Variants in ZNF770 observed in about 807,000 individuals in gnomAD.
ZNF770 encodes the protein zinc finger protein 770.
A neutral mutation model predicts 44.8 loss-of-function variants in ZNF770; 13 were observed. The ratio of observed to expected loss-of-function variants is 0.29; its 90% CI spans 0.19 to 0.46. ZNF770 has a LOEUF of 0.46. ZNF770 is among the 20% of genes least tolerant of loss of function. The probability of loss-of-function intolerance (pLI) is 1.00; values close to 1 mark genes in which losing one functional copy is unlikely to be tolerated. For synonymous variants in ZNF770, 304 were observed against 271.8 expected, an observed-to-expected ratio of 1.12 and a Z score of -1.17; for missense variants, 681 against 797.9, an observed-to-expected ratio of 0.85 and a Z score of 1.77.
Position 34,979,662 on chromosome 15 carries a change from C to T in ZNF770, c.*1697G>A. 1 of 448,902 alleles carries T rather than the reference C, an allele frequency of 2.2e-6. No individual in the cohort carries two copies. Among genetic ancestry groups the T allele is most frequent in the Non-Finnish European group, 4.5e-6 (1 of 224,082 alleles). The allele number at this position is 448,902 out of a possible 1,614,324, so 27.8% of individuals were successfully genotyped here. On this transcript the variant is annotated 3_prime_UTR_variant, in exon 3 of 3. Transcript: ENST00000356321. ...AGATCACCCCCACCTACTATCCCTC[C>T]CGCCTCCCCCCTGTCAAAAGAAAGT...
rs1376367965 is a variant in ZNF770, at chr15:34,981,714, G to A, written c.1721C>T (p.Ser574Leu). ...PGVQKYEVSE[S>L]DQMSGVKAES... is the part of the protein sequence containing the mutation. Reference sequence around the variant, plus strand: ...TGCCTTAACTCCTGACATTTGATCTGACTCTGAGACCTCGTATTTTTGAAC... The same window carrying A: ...TGCCTTAACTCCTGACATTTGATCTAACTCTGAGACCTCGTATTTTTGAAC... Residue 574 changes from serine (S) to leucine (L), a missense_variant, in exon 3 of 3, where the codon TCA becomes TTA. Physicochemically the swap from Ser to Leu is moderately radical, Grantham distance 145. This residue lies in a region of ZNF770 where 148 missense variants were observed against 191.0 expected (regional missense o/e 0.77). Coordinates refer to ENST00000356321, the MANE Select transcript of ZNF770 (RefSeq NM_014106.4). 3 of 1,613,876 alleles carry A rather than the reference G, an allele frequency of 1.9e-6. No individual in the cohort carries two copies. Among genetic ancestry groups the A allele is most frequent in the Non-Finnish European group, 2.5e-6 (3 of 1,180,026 alleles).
rs1381358635 is a variant in ZNF770 at position 34,981,425 on chromosome 15, T to C, written c.2010A>G (p.Arg670=). ...KTFRQAPHWK[R]HQLTHFKERP... ...GTTCTTTAAAGTGAGTAAGCTGATG[T>C]CTCTTCCAGTGAGGAGCCTGTCTGA... Residue 670 remains arginine (R), a synonymous_variant, in exon 3 of 3, where the codon AGA becomes AGG. Coordinates refer to ENST00000356321, the MANE Select transcript of ZNF770 (RefSeq NM_014106.4). 1 of 1,614,068 alleles carries C rather than the reference T, an allele frequency of 6.2e-7. No individual in the cohort carries two copies. The highest frequency in any genetic ancestry group is 8.5e-7 in the Non-Finnish European group (1 of 1,180,030).
chr15:34,981,469 A>G lies in ZNF770; in HGVS notation c.1966T>C (p.Ser656Pro). 7 of 1,614,200 alleles carry G rather than the reference A, an allele frequency of 4.3e-6. No homozygotes were observed. Among genetic ancestry groups the G allele is most frequent in the Non-Finnish European group, 5.9e-6 (7 of 1,180,028 alleles). ...IHAGQKPFEC[S>P]VCGKTFRQAP... ...TGTCTGAATGTTTTGCCACAAACTGAGCATTCAAATGGTTTCTGCCCTGCA... is the reference window on the plus strand; with the variant it reads ...TGTCTGAATGTTTTGCCACAAACTGGGCATTCAAATGGTTTCTGCCCTGCA... Residue 656 changes from serine (S) to proline (P), a missense_variant, in exon 3 of 3, where the codon TCA (serine) becomes CCA (proline). Ser to Pro is a moderately conservative substitution (Grantham distance 74, BLOSUM62 -1). This residue lies in a region of ZNF770 where 10 missense variants were observed against 33.9 expected (regional missense o/e 0.30). Transcript: ENST00000356321.
At chr15:34,985,265 A>G (rs2050426494) in intron 2 of ZNF770, among the ~76,000 whole-genome samples, 1 of 151,948 alleles carries the variant, frequency 6.6e-6, no homozygotes, top group African/African-American at 2.4e-5. Context: ...GGAGTCAGAG[A>G]TTTTTTCAAA....
In ZNF770 at chr15:34,978,601, A is replaced by G. The variant is rs1349781954; in HGVS notation, c.*2758T>C. The G allele has an allele frequency of 1.3e-5, 2 of 152,194 alleles. No individual in the cohort carries two copies. Among genetic ancestry groups the G allele is most frequent in the Non-Finnish European group, 2.9e-5 (2 of 68,038 alleles). The allele number at this position is 152,194 out of a possible 1,614,324, so 9.4% of individuals were successfully genotyped here. A position where few individuals can be genotyped will look rare whatever the true frequency, so the allele number is the denominator to read the frequency against. On this transcript the variant is annotated 3_prime_UTR_variant, in exon 3 of 3. Coordinates refer to ENST00000356321, the MANE Select transcript of ZNF770 (RefSeq NM_014106.4). Reference sequence around the variant, plus strand: ...TATTTATCGTTTATTTTTTCATGAAACCAAAGTAATTGATTCAACAATACT... The same window carrying G: ...TATTTATCGTTTATTTTTTCATGAAGCCAAAGTAATTGATTCAACAATACT...
rs1169409910 is a variant in ZNF770, at chr15:34,979,853, AG to A, written c.*1505del. 2 of 309,530 alleles carry A rather than the reference AG, an allele frequency of 6.5e-6. No individual in the cohort carries two copies. Among genetic ancestry groups the A allele is most frequent in the South Asian group, 2.5e-5 (1 of 39,848 alleles). The allele number at this position is 309,530 out of a possible 1,614,324, so 19.2% of individuals were successfully genotyped here. On this transcript the variant is annotated 3_prime_UTR_variant, in exon 3 of 3. Coordinates refer to ENST00000356321, the MANE Select transcript of ZNF770 (RefSeq NM_014106.4). ...TATTGCTAGAGAATGTCATTCCTGA[AG>A]ATTTTATAAACAAAGGCAAATATGA...
At chr15:34,987,404 T>C (rs1490662035) in intron 2 of ZNF770, among the ~76,000 whole-genome samples, 153 bp downstream of exon 2, 1 of 150,492 alleles carries the variant, frequency 6.6e-6, no homozygotes, top group Non-Finnish European at 1.5e-5. Context: ...CAACCGATTT[T>C]TGTTGATAAC....
chr15:34,985,595 TA>T (rs2050428800), intron 2 of ZNF770, among the ~76,000 whole-genome samples: 1 of 152,194 alleles, frequency 6.6e-6, no homozygotes, highest in Non-Finnish European at 1.5e-5. Context: ...AGCACTTTGT[TA>T]TTTAAAATAA....
rs763424159 is a variant in ZNF770 at position 34,981,976 on chromosome 15, T to G, written c.1459A>C (p.Ile487Leu). ...AAATAGTGTCTTTTTAGTTTGGATA[T>G]AGAAGGAAATACCTTCTCACATTTG... ...CDKCEKVFPS[I>L]SKLKRHYLIH... The change falls in exon 3 of 3, where the codon ATA (isoleucine) becomes CTA (leucine). Residue 487 changes from isoleucine (I) to leucine (L), a missense_variant. Transcript: ENST00000356321. 3 of 1,613,958 alleles carry G rather than the reference T, an allele frequency of 1.9e-6. No individual in the cohort carries two copies. Among genetic ancestry groups the G allele is most frequent in the Admixed American group, 3.3e-5 (2 of 60,002 alleles).
chr15:34,981,777 A>C lies in ZNF770; in HGVS notation c.1658T>G (p.Val553Gly). 1.9e-6 allele frequency: 3 copies of C among 1,614,160 alleles called. No individual in the cohort carries two copies. The highest frequency in any genetic ancestry group is 2.5e-6 in the Non-Finnish European group (3 of 1,180,036). ...NNLSNHSGNN[V>G]NYNASQQCQA... ...ACATTGTTGGGAAGCATTATAGTTA[A>C]CATTATTACCTGAATGATTAGAAAG... The change falls in exon 3 of 3, where the codon GTT (valine) becomes GGT (glycine). Residue 553 changes from valine to glycine, a missense_variant. By Grantham distance (109) the Val-to-Gly change is moderately radical (BLOSUM62 -3). This residue lies in a region of ZNF770 where 148 missense variants were observed against 191.0 expected (regional missense o/e 0.77). Transcript: ENST00000356321.
chr15:34,981,827 T>C lies in ZNF770; in HGVS notation c.1608A>G (p.Gln536=). The C allele has an allele frequency of 1.2e-6, 2 of 1,614,102 alleles. No individual in the cohort carries two copies. The highest frequency in any genetic ancestry group is 1.7e-6 in the Non-Finnish European group (2 of 1,180,034). ...NEKSPYASLC[Q]VEFGNFNNLS... is the part of the protein sequence containing the mutation. ...GATTGTTGAAGTTTCCAAATTCTAC[T>C]TGGCAAAGAGATGCATAAGGACTCT... Residue 536 remains glutamine, a synonymous_variant, in exon 3 of 3, where the codon CAA becomes CAG. Coordinates refer to ENST00000356321, the MANE Select transcript of ZNF770 (RefSeq NM_014106.4).
Position 34,982,373 on chromosome 15 carries a change from A to T in ZNF770, c.1062T>A (p.Phe354Leu), listed in dbSNP as rs371590447. Residue 354 changes from phenylalanine (F) to leucine (L), a missense_variant, in exon 3 of 3, where the codon TTT (phenylalanine) becomes TTA (leucine). By Grantham distance (22) the Phe-to-Leu change is conservative (BLOSUM62 0). Around this residue, in one of 5 missense-constraint regions of ZNF770, gnomAD observed 432 missense variants for 434.1 expected, o/e 1.00. Transcript: ENST00000356321. ...KRARSKKLDNFQSEKKVFKKS... is the reference protein window; with the variant it reads ...KRARSKKLDNLQSEKKVFKKS... ...TTTTAAATACTTTTTTCTCAGATTG[A>T]AAGTTATCTAATTTTTTACTCCTAG... 2.5e-6 allele frequency: 4 copies of T among 1,608,530 alleles called. No homozygotes were observed. In the African/African-American group the frequency reaches 5.4e-5, roughly 22 times the overall value.
At position 34,979,834 on chromosome 15, in the gene ZNF770, T is replaced by C. The variant is rs1207629262; in HGVS notation, c.*1525A>G. On this transcript the variant is annotated 3_prime_UTR_variant, in exon 3 of 3. Transcript: ENST00000356321. ...CATAACGGTTCATTCCTTTTATTGC[T>C]AGAGAATGTCATTCCTGAAGATTTT... 6.5e-6 allele frequency: 2 copies of C among 308,344 alleles called. No individual in the cohort carries two copies. The highest frequency in any genetic ancestry group is 1.3e-5 in the Non-Finnish European group (2 of 154,918). The allele number at this position is 308,344 out of a possible 1,614,324, so 19.1% of individuals were successfully genotyped here.
chr15:34,986,812 G>GGAGAAAAGT (rs2050437848), intron 2 of ZNF770, among the ~76,000 whole-genome samples: 3 of 152,092 alleles, frequency 2.0e-5, no homozygotes, highest in Admixed American at 2.0e-4. Flanking sequence ...TCTTAGCCAC[G>GGAGAAAAGT]GTCCTTCCTA....
rs2050392265 is a variant in ZNF770 at position 34,980,264 on chromosome 15, G to T, written c.*1095C>A. On this transcript the variant is annotated 3_prime_UTR_variant, in exon 3 of 3. Coordinates refer to ENST00000356321, the MANE Select transcript of ZNF770 (RefSeq NM_014106.4). Reference sequence around the variant, plus strand: ...TGCTATCATTAATGAGCAAATAAATGACTTGAAATTATTCCTCTGAAAAGG... The same window carrying T: ...TGCTATCATTAATGAGCAAATAAATTACTTGAAATTATTCCTCTGAAAAGG... The T allele has an allele frequency of 6.6e-6, 1 of 152,126 alleles. No homozygotes were observed. The highest frequency in any genetic ancestry group is 6.6e-5 in the Admixed American group (1 of 15,260). 9.4% of individuals were successfully genotyped at this position (152,126 alleles called of 1,614,324 possible).
At chr15:34,987,416 T>C (rs527309801) in intron 2 of ZNF770, 141 bp downstream of exon 2, 2 of 145,420 alleles carry the variant, frequency 1.4e-5, no homozygotes, top group African/African-American at 5.7e-5. Flanking sequence ...GTTGATAACA[T>C]AAAAATAAAA....
rs1246684837 is a variant in ZNF770, at chr15:34,987,549, A to G, written c.-57+8T>C. ...TACGTGAAGACTGTAAAAACTGTAA[A>G]AACTGACCTCAATAATATCCAATGT... On this transcript the variant is annotated splice_region_variant and intron_variant, in intron 2 of 2. Transcript: ENST00000356321. 6.6e-6 allele frequency: 1 copy of G among 152,272 alleles called. No individual in the cohort carries two copies. The highest frequency in any genetic ancestry group is 1.5e-5 in the Non-Finnish European group (1 of 68,062). 9.4% of individuals were successfully genotyped at this position (152,272 alleles called of 1,614,324 possible).
chr15:34,980,933 T>C lies in ZNF770; in HGVS notation c.*426A>G, dbSNP rs183413093. On this transcript the variant is annotated 3_prime_UTR_variant, in exon 3 of 3. Coordinates refer to ENST00000356321, the MANE Select transcript of ZNF770 (RefSeq NM_014106.4). ...TTATGCTTTCATATGAAATGTAAAA[T>C]AAATCAAATATAACAGGGCTATGTG... is the stretch of plus-strand genomic sequence containing the variant. 6.5e-6 allele frequency: 1 copy of C among 154,400 alleles called. No individual in the cohort carries two copies. Among genetic ancestry groups the C allele is most frequent in the African/African-American group, 2.4e-5 (1 of 41,370 alleles). The allele number at this position is 154,400 out of a possible 1,614,324, so 9.6% of individuals were successfully genotyped here.
rs750333496 is a variant in ZNF770 at position 34,981,989 on chromosome 15, C to T, written c.1446G>A (p.Lys482=). The T allele has an allele frequency of 1.2e-6, 2 of 1,613,590 alleles. No homozygotes were observed. Among genetic ancestry groups the T allele is most frequent in the African/African-American group, 2.7e-5 (2 of 74,882 alleles). The change falls in exon 3 of 3, where the codon AAG becomes AAA. Residue 482 remains lysine (K), a synonymous_variant. Transcript: ENST00000356321. ...TTAGTTTGGATATAGAAGGAAATAC[C>T]TTCTCACATTTGTCACAAGGACATA... is the stretch of plus-strand genomic sequence containing the variant. ...HKICPCDKCE[K]VFPSISKLKR...
Sources: gnomAD v4.1 joint callset for allele counts (sites outside exome capture counted in the v4.1 genomes callset) on GRCh38, gnomAD v4.1.1 for gene constraint, gnomAD v4.1.1 regional missense constraint, MANE v1.5 for transcripts, NCBI Gene and HGNC (gene_info 2026-07-23, HGNC 2026-07-21) for gene names.